The following ELAVL3 variants were observed in gnomAD, a reference collection of about 807,000 sequenced individuals.
ELAVL3 encodes the protein ELAV like RNA binding protein 3.
A neutral mutation model predicts 34.2 loss-of-function variants in ELAVL3; 8 were observed. The observed-to-expected ratio is 0.23, with a 90% CI of 0.14 to 0.42. ELAVL3 has a LOEUF of 0.42. ELAVL3 is among the 10% of genes least tolerant of loss of function. The probability of loss-of-function intolerance (pLI) is 1.00; values close to 1 mark genes in which losing one functional copy is unlikely to be tolerated. For synonymous variants in ELAVL3, 209 were observed against 222.1 expected (o/e 0.94, Z 0.53); for missense variants, 273 against 518.8 (o/e 0.53, Z 4.60).
chr19:11,477,531 G>A (rs1410399688), intron 1 of ELAVL3, among the ~76,000 whole-genome samples: 1 of 152,028 alleles, frequency 6.6e-6, no homozygotes, highest in African/African-American at 2.4e-5. Flanking sequence ...TGAGATTACA[G>A]GTGTGAGCTC....
At chr19:11,471,270 A>G (rs1483576828) in intron 1 of ELAVL3, among the ~76,000 whole-genome samples, 2 of 149,490 alleles carry the variant, frequency 1.3e-5, no homozygotes, top group African/African-American at 2.5e-5. Flanking sequence ...AGATTACATC[A>G]TTGCATTCCA....
chr19:11,469,324 A>T (rs534728250), intron 1 of ELAVL3, among the ~76,000 whole-genome samples: 24 of 152,136 alleles, frequency 1.6e-4, no homozygotes, highest in Non-Finnish European at 3.4e-4. Flanking sequence ...CTTGTTGCCC[A>T]GGCTGGAGTG....
Position 11,480,974 on chromosome 19 carries a change from C to T in ELAVL3, c.-366G>A, listed in dbSNP as rs1346581392. ...CCCCTCGGTCGGTCCTGTCCGGTCCCGTGTGTTCAAGTCCTCTCCCCTCGC... is the reference window on the plus strand; with the variant it reads ...CCCCTCGGTCGGTCCTGTCCGGTCCTGTGTGTTCAAGTCCTCTCCCCTCGC... On this transcript the variant is annotated 5_prime_UTR_variant, in exon 1 of 7. Coordinates refer to ENST00000359227, the MANE Select transcript of ELAVL3 (RefSeq NM_001420.4). This position sits in a 1 kb window ranked among gnomAD's most constrained non-coding sequence, Gnocchi z 6.8. 1.3e-5 allele frequency: 3 copies of T among 224,812 alleles called. No homozygotes were observed. The highest frequency in any genetic ancestry group is 2.3e-5 in the African/African-American group (1 of 43,756). 13.9% of individuals were successfully genotyped at this position (224,812 alleles called of 1,614,324 possible).
intron 3 of ELAVL3, among the ~76,000 whole-genome samples, chr19:11,464,683 AC>A (rs1188968298): frequency 3.5e-5 from 4 of 113,344 alleles, no homozygotes; most frequent in Middle Eastern, 5.2e-3. Flanking sequence ...TCACACACAC[AC>A]CCCCCACACA....
At chr19:11,460,799 A>G (rs1033467890) in intron 3 of ELAVL3, among the ~76,000 whole-genome samples, 5 of 151,996 alleles carry the variant, frequency 3.3e-5, no homozygotes, top group African/African-American at 9.7e-5. Context: ...TAGCACTGTT[A>G]TCTGAATCAC....
intron 1 of ELAVL3, among the ~76,000 whole-genome samples, chr19:11,468,270 A>G (rs532914116): frequency 1.2e-4 from 19 of 152,222 alleles, no homozygotes; most frequent in African/African-American, 3.9e-4. Context: ...CCACTGAGCT[A>G]TTTTGTTCTT....
At position 11,458,421 on chromosome 19, in the gene ELAVL3, G is replaced by A. The variant is rs1970815323; in HGVS notation, c.487+37C>T. 6.2e-7 allele frequency: 1 copy of A among 1,612,934 alleles called. No individual in the cohort carries two copies. The highest frequency in any genetic ancestry group is 8.5e-7 in the Non-Finnish European group (1 of 1,179,522). On this transcript the variant is annotated intron_variant, in intron 4 of 6. Coordinates refer to ENST00000359227, the MANE Select transcript of ELAVL3 (RefSeq NM_001420.4). This position sits in a 1 kb window ranked among gnomAD's most constrained non-coding sequence, Gnocchi z 7.3. ...GGTCCCACCTGACTGCCTTTGCCCA[G>A]CGCCCCCGCCAGGTGCACCCTCCCT...
At chr19:11,471,032 G>T (rs1404915359) in intron 1 of ELAVL3, among the ~76,000 whole-genome samples, 2 of 152,126 alleles carry the variant, frequency 1.3e-5, no homozygotes, top group Non-Finnish European at 2.9e-5. Context: ...ATTTTTTTGG[G>T]CTAGACGCAG....
At chr19:11,464,167 ATTTTTT>A (rs1236599277) in intron 3 of ELAVL3, among the ~76,000 whole-genome samples, 1,049 of 103,786 alleles carry the variant, frequency 0.01, 21 homozygotes, top group African/African-American at 0.042. Flanking sequence ...ATATATATAT[ATTTTTT>A]TTTTTTTTAG....
rs1970662751 is a variant in ELAVL3, at chr19:11,452,247, C to T, written c.*2279G>A. The T allele has an allele frequency of 6.6e-6, 1 of 152,220 alleles. No homozygotes were observed. Among genetic ancestry groups the T allele is most frequent in the Non-Finnish European group, 1.5e-5 (1 of 68,038 alleles). 9.4% of individuals were successfully genotyped at this position (152,220 alleles called of 1,614,324 possible). ...TTATTACTTTAATGATTCCACTTCC[C>T]CTTTTATAAATAAATTAGGCATAAC... On this transcript the variant is annotated 3_prime_UTR_variant, in exon 7 of 7. Transcript: ENST00000359227.
At chr19:11,475,694 A>T (rs1434285290) in intron 1 of ELAVL3, among the ~76,000 whole-genome samples, 1 of 149,898 alleles carries the variant, frequency 6.7e-6, no homozygotes, top group Non-Finnish European at 1.5e-5. Context: ...GCTCACTGCA[A>T]CCTCCACCTC....
chr19:11,472,155 C>G (rs1022310893), intron 1 of ELAVL3, among the ~76,000 whole-genome samples: 2 of 152,144 alleles, frequency 1.3e-5, no homozygotes, highest in Non-Finnish European at 2.9e-5. Flanking sequence ...TTGAGACCAG[C>G]CTGGCTAACA....
intron 3 of ELAVL3, among the ~76,000 whole-genome samples, chr19:11,465,810 C>T (rs985514688): frequency 2.0e-5 from 3 of 151,876 alleles, no homozygotes; most frequent in Non-Finnish European, 4.4e-5. Context: ...CTCCCAGACC[C>T]TAATTAGGCT....
rs753188148 is a variant in ELAVL3 at position 11,458,623 on chromosome 19, G to A, written c.334-12C>T. On this transcript the variant is annotated splice_polypyrimidine_tract_variant and intron_variant, in intron 3 of 6. Transcript: ENST00000359227. The surrounding 1 kb of genome is among the most constrained non-coding windows in gnomAD (Gnocchi z 7.3). ...CTGGCATAGGACACCTGGGTGAGGG[G>A]GTCAGATGGACAGGGGTGAGGCAGA... The A allele has an allele frequency of 5.6e-6, 9 of 1,613,020 alleles. No individual in the cohort carries two copies. The African/African-American group carries it at 9.3e-5, about 17-fold the overall frequency.
intron 1 of ELAVL3, among the ~76,000 whole-genome samples, chr19:11,471,279 CAGCCTGAGCAACAG>C (rs1971158118): frequency 6.7e-6 from 1 of 148,706 alleles, no homozygotes; most frequent in South Asian, 2.1e-4. Context: ...CATTGCATTC[CAGCCTGAGCAACAG>C]AGTGAGACTC....
intron 1 of ELAVL3, among the ~76,000 whole-genome samples, chr19:11,477,824 G>A (rs1187763590): frequency 1.3e-5 from 2 of 151,876 alleles, no homozygotes; most frequent in African/African-American, 4.8e-5. Flanking sequence ...AGGTAGCTGG[G>A]ACCACAGGTG....
At chr19:11,474,803 C>T (rs527879074) in intron 1 of ELAVL3, among the ~76,000 whole-genome samples, 1 of 152,270 alleles carries the variant, frequency 6.6e-6, no homozygotes, top group African/African-American at 2.4e-5. Context: ...AGGCATGTGC[C>T]ATTGCATGGG....
Position 11,458,408 on chromosome 19 carries a change from C to T in ELAVL3, c.487+50G>A. 1 of 1,611,494 alleles carries T rather than the reference C, an allele frequency of 6.2e-7. No homozygotes were observed. The highest frequency in any genetic ancestry group is 1.3e-5 in the African/African-American group (1 of 75,042). On this transcript the variant is annotated intron_variant, in intron 4 of 6. Coordinates refer to ENST00000359227, the MANE Select transcript of ELAVL3 (RefSeq NM_001420.4). The surrounding 1 kb of genome is among the most constrained non-coding windows in gnomAD (Gnocchi z 7.3). ...GTTTCCCCACGTTGGTCCCACCTGA[C>T]TGCCTTTGCCCAGCGCCCCCGCCAG...
chr19:11,480,441 C>T lies in ELAVL3; in HGVS notation c.9+159G>A, dbSNP rs1313945412. ...GCGCCCTCAGCACTCTGGGCGCGGC[C>T]CTGCCCACTCTCAGGCCCCGAGGCT... On this transcript the variant is annotated intron_variant, in intron 1 of 6. Transcript: ENST00000359227. This position sits in a 1 kb window ranked among gnomAD's most constrained non-coding sequence, Gnocchi z 6.8. Among the ~76,000 whole-genome samples the T allele has an allele frequency of 6.6e-6, 1 of 152,044 alleles. No individual in the cohort carries two copies. The highest frequency in any genetic ancestry group is 1.9e-4 in the East Asian group (1 of 5,146).
Sources: allele counts gnomAD v4.1 joint callset (sites outside exome capture counted in the v4.1 genomes callset), GRCh38; gene constraint gnomAD v4.1.1; non-coding constraint Gnocchi (gnomAD v3.1); transcripts MANE v1.5; gene names NCBI Gene and HGNC (gene_info 2026-07-23, HGNC 2026-07-21).